The following CHRM3 variants were observed in gnomAD, a reference collection of about 807,000 sequenced individuals.
The protein encoded by CHRM3 is muscarinic acetylcholine receptor M3.
CHRM3 carries 11 observed loss-of-function variants against 41.8 expected under a neutral mutation model. The ratio of observed to expected loss-of-function variants is 0.26; its 90% CI spans 0.17 to 0.44. CHRM3 has a LOEUF of 0.44. Ranked by LOEUF, CHRM3 falls within the 20% of genes least tolerant of loss-of-function variation. The pLI is 1.00. For synonymous variants in CHRM3, 297 were observed against 301.4 expected, an observed-to-expected ratio of 0.99 and a Z score of 0.15; for missense variants, 571 against 745.4, an observed-to-expected ratio of 0.77 and a Z score of 2.72.
intron 3 of CHRM3, among the ~76,000 whole-genome samples, chr1:239,622,807 A>T (rs1668530621): frequency 1.3e-5 from 2 of 152,210 alleles, no homozygotes; most frequent in Non-Finnish European, 2.9e-5. Context: ...AGCCTTTGAG[A>T]GGATTGGTTC....
chr1:239,530,786 C>T (rs941296850), intron 2 of CHRM3, among the ~76,000 whole-genome samples: 2 of 151,858 alleles, frequency 1.3e-5, no homozygotes, highest in Non-Finnish European at 2.9e-5. Flanking sequence ...AGCAATTATC[C>T]GTGAAAAACA....
At chr1:239,879,860 T>C (rs1363920494) in intron 6 of CHRM3, among the ~76,000 whole-genome samples, 1 of 152,210 alleles carries the variant, frequency 6.6e-6, no homozygotes, top group African/African-American at 2.4e-5. Context: ...CTGGACATAG[T>C]TAAGGTTAAA....
intron 6 of CHRM3, among the ~76,000 whole-genome samples, chr1:239,883,151 AC>A (rs1216299705): frequency 6.6e-6 from 1 of 152,208 alleles, no homozygotes; most frequent in Admixed American, 6.5e-5. Flanking sequence ...GGGATAAATG[AC>A]CCTGACCCTT....
intron 6 of CHRM3, among the ~76,000 whole-genome samples, chr1:239,828,910 G>C (rs774866952): frequency 1.1e-4 from 16 of 152,168 alleles, no homozygotes; most frequent in Admixed American, 2.6e-4. Context: ...AATGGTCATG[G>C]CTTGGACTAA....
At chr1:239,696,651 A>G (rs1660220813) in intron 5 of CHRM3, among the ~76,000 whole-genome samples, 1 of 152,172 alleles carries the variant, frequency 6.6e-6, no homozygotes. Context: ...TTTAAAGTAC[A>G]CAGATTCAGT....
intron 3 of CHRM3, among the ~76,000 whole-genome samples, chr1:239,613,939 A>C (rs1368971344): frequency 4.0e-5 from 6 of 151,728 alleles, no homozygotes; most frequent in Admixed American, 3.3e-4. Flanking sequence ...AGGATTGCTT[A>C]AGGCCAAGAG....
intron 6 of CHRM3, among the ~76,000 whole-genome samples, chr1:239,880,648 T>C (rs571444791): frequency 6.6e-6 from 1 of 152,178 alleles, no homozygotes; most frequent in South Asian, 2.1e-4. Flanking sequence ...CACACCACCA[T>C]GCCTAGCTAA....
intron 1 of CHRM3, among the ~76,000 whole-genome samples, chr1:239,450,818 A>C (rs1664503728): frequency 6.6e-6 from 1 of 152,204 alleles, no homozygotes; most frequent in Admixed American, 6.5e-5. Flanking sequence ...CAATACATAA[A>C]ATCACAATAC....
intron 4 of CHRM3, among the ~76,000 whole-genome samples, chr1:239,640,320 G>T (rs1670976829): frequency 1.3e-5 from 2 of 152,134 alleles, no homozygotes; most frequent in African/African-American, 4.8e-5. Flanking sequence ...CTATTGATTG[G>T]AATAGTTTCA....
chr1:239,720,860 A>G (rs1298757241), intron 5 of CHRM3, among the ~76,000 whole-genome samples: 1 of 151,926 alleles, frequency 6.6e-6, no homozygotes, highest in Non-Finnish European at 1.5e-5. Flanking sequence ...TTATTTAAAT[A>G]TGCTTTATCT....
chr1:239,809,239 C>T (rs1023104455), intron 5 of CHRM3, among the ~76,000 whole-genome samples: 14 of 151,912 alleles, frequency 9.2e-5, no homozygotes, highest in African/African-American at 3.4e-4. Flanking sequence ...CCAGGATGGT[C>T]TCGATCTCCT....
At position 239,590,341 on chromosome 1, in the gene CHRM3, A is replaced by G. The variant is rs574789067; in HGVS notation, c.-312-41883A>G. Among the ~76,000 whole-genome samples the G allele has an allele frequency of 1.1e-4, 17 of 152,338 alleles. No homozygotes were observed. In the South Asian group the frequency reaches 2.1e-3, roughly 19 times the overall value. The stretch of plus-strand genomic sequence containing the variant: ...TATATCTCTGGGTATATGAAGACCA[A>G]TAAGATATGATTCATGTCCTTAGAG... On this transcript the variant is annotated intron_variant, in intron 3 of 6. Coordinates refer to ENST00000676153, the MANE Select transcript of CHRM3 (RefSeq NM_001375978.1).
intron 3 of CHRM3, among the ~76,000 whole-genome samples, chr1:239,600,283 G>T (rs1665353724): frequency 6.6e-6 from 1 of 151,982 alleles, no homozygotes; most frequent in Non-Finnish European, 1.5e-5. Flanking sequence ...CCATCCCAAT[G>T]CATTCTCTGC....
intron 1 of CHRM3, among the ~76,000 whole-genome samples, chr1:239,435,898 TC>T (rs1663225415): frequency 6.6e-6 from 1 of 152,082 alleles, no homozygotes; most frequent in Admixed American, 6.6e-5. Context: ...CACAGGCTGC[TC>T]CCCCGATGGT....
At chr1:239,810,238 G>A (rs1671013483) in intron 5 of CHRM3, among the ~76,000 whole-genome samples, 1 of 152,148 alleles carries the variant, frequency 6.6e-6, no homozygotes, top group Admixed American at 6.5e-5. Flanking sequence ...ACCAAAAAGG[G>A]ATCCTTGCTG....
chr1:239,758,593 C>T (rs1011670737), intron 5 of CHRM3, among the ~76,000 whole-genome samples: 1 of 152,128 alleles, frequency 6.6e-6, no homozygotes, highest in Non-Finnish European at 1.5e-5. Flanking sequence ...AATTTTTGAG[C>T]TAACTGAAAT....
chr1:239,737,211 C>T (rs559000995), intron 5 of CHRM3, among the ~76,000 whole-genome samples: 22 of 152,264 alleles, frequency 1.4e-4, no homozygotes, highest in Admixed American at 6.5e-4. Flanking sequence ...GAATTTTCAT[C>T]CCACATTTTA....
chr1:239,559,050 A>G (rs1660629608), intron 3 of CHRM3, among the ~76,000 whole-genome samples: 1 of 152,166 alleles, frequency 6.6e-6, no homozygotes, highest in South Asian at 2.1e-4. Context: ...ACCAATATGC[A>G]CTTCCTTAAC....
chr1:239,691,531 A>T (rs879836816), intron 5 of CHRM3, among the ~76,000 whole-genome samples: 5 of 152,194 alleles, frequency 3.3e-5, no homozygotes, highest in African/African-American at 1.2e-4. Flanking sequence ...TCAACTTGCG[A>T]GAGTAACTAT....
Sources: gnomAD v4.1 joint callset for allele counts (sites outside exome capture counted in the v4.1 genomes callset) on GRCh38, gnomAD v4.1.1 for gene constraint, MANE v1.5 for transcripts, NCBI Gene and HGNC (gene_info 2026-07-23, HGNC 2026-07-21) for gene names.